FAM184B: variants seen among roughly 807,000 people sequenced by gnomAD.
The protein encoded by FAM184B is protein FAM184B.
FAM184B carries 111 observed loss-of-function variants against 135.9 expected under a neutral mutation model. The observed-to-expected ratio is 0.82, with a 90% CI of 0.70 to 0.96. FAM184B has a LOEUF of 0.96. FAM184B is among the 40% of genes least tolerant of loss of function. The probability of loss-of-function intolerance (pLI) is 0.00; values close to 1 mark genes in which losing one functional copy is unlikely to be tolerated. For missense variants in FAM184B, 1,375 were observed against 1,323.9 expected (o/e 1.04, Z -0.60); for synonymous variants, 552 against 524.8 (o/e 1.05, Z -0.71).
intron 1 of FAM184B, among the ~76,000 whole-genome samples, chr4:17,723,934 A>G (rs1418966333): frequency 1.3e-5 from 2 of 152,148 alleles, no homozygotes; most frequent in African/African-American, 4.8e-5. Context: ...AGCTTCCAGT[A>G]GCACGTCATC....
At chr4:17,772,344 T>A (rs1459628102) in intron 1 of FAM184B, among the ~76,000 whole-genome samples, 3 of 152,030 alleles carry the variant, frequency 2.0e-5, no homozygotes, top group Non-Finnish European at 4.4e-5. Flanking sequence ...GAGACAATAC[T>A]ATTGTCTCTA....
rs1224791330 is a variant in FAM184B at position 17,629,741 on chromosome 4, A to G, written c.*2791T>C. The G allele has an allele frequency of 2.0e-5, 3 of 152,178 alleles. No homozygotes were observed. Among genetic ancestry groups the G allele is most frequent in the Admixed American group, 1.3e-4 (2 of 15,284 alleles). 9.4% of individuals were successfully genotyped at this position (152,178 alleles called of 1,614,324 possible). On this transcript the variant is annotated 3_prime_UTR_variant, in exon 18 of 18. Transcript: ENST00000265018. ...TCATCTCTAGACCGCTCTGCTGTTG[A>G]GAGATTGATGGAATCATTATGCAAA... is the stretch of plus-strand genomic sequence containing the variant.
chr4:17,779,900 C>T lies in FAM184B; in HGVS notation c.141+1259G>A, dbSNP rs80101100. ...AGATGCCTTGCACTGTGCCAAGTGC[C>T]TTTTCAGGTACTTGAATAAATACAT... On this transcript the variant is annotated intron_variant, in intron 1 of 17. Coordinates refer to ENST00000265018, the MANE Select transcript of FAM184B (RefSeq NM_015688.2). 1.4e-3 allele frequency among the ~76,000 whole-genome samples: 214 copies of T among 152,286 alleles called. 1 individual carries two copies. Among genetic ancestry groups the T allele is most frequent in the African/African-American group, 5.0e-3 (207 of 41,552 alleles).
chr4:17,705,534 G>A (rs926536503), intron 4 of FAM184B, among the ~76,000 whole-genome samples: 1 of 152,216 alleles, frequency 6.6e-6, no homozygotes, highest in African/African-American at 2.4e-5. Flanking sequence ...AGAAGCCGAT[G>A]ATATAGCGTT....
At chr4:17,689,719 G>C (rs1025034807) in intron 6 of FAM184B, among the ~76,000 whole-genome samples, 6 of 151,996 alleles carry the variant, frequency 3.9e-5, no homozygotes, top group African/African-American at 1.2e-4. Context: ...CTAGGCTCAA[G>C]AGATCCTCCC....
At chr4:17,760,674 T>C (rs1442470390) in intron 1 of FAM184B, among the ~76,000 whole-genome samples, 1 of 152,102 alleles carries the variant, frequency 6.6e-6, no homozygotes, top group Non-Finnish European at 1.5e-5. Context: ...TTTGTGTGAA[T>C]TGTCCTTTTA....
Position 17,707,405 on chromosome 4 carries a change from G to A in FAM184B, c.1030+244C>T, listed in dbSNP as rs117853661. ...GTGAGCCTGGTGGGGAAATATCTGG[G>A]GGCAAGGGGTCCTTTCACATCACAC... On this transcript the variant is annotated intron_variant, in intron 3 of 17. Coordinates refer to ENST00000265018, the MANE Select transcript of FAM184B (RefSeq NM_015688.2). 2.0e-3 allele frequency among the ~76,000 whole-genome samples: 308 copies of A among 152,322 alleles called. 5 individuals carry two copies. In the East Asian group the frequency reaches 0.038, roughly 19 times the overall value.
In FAM184B at chr4:17,709,059, C is replaced by T. The variant is rs988361612; in HGVS notation, c.727G>A (p.Ala243Thr). ...RQAMQQSVSQ[A>T]LWQWQEKESD... Reference sequence around the variant, plus strand: ...TCCTTCTCCTGCCACTGCCACAGGGCCTGGCTCACCGACTGCTGCATGGCC... The same window carrying T: ...TCCTTCTCCTGCCACTGCCACAGGGTCTGGCTCACCGACTGCTGCATGGCC... The change falls in exon 2 of 18, where the codon GCC (alanine) becomes ACC (threonine). Residue 243 changes from alanine to threonine, a missense_variant. Coordinates refer to ENST00000265018, the MANE Select transcript of FAM184B (RefSeq NM_015688.2). 4.9e-5 allele frequency: 76 copies of T among 1,550,292 alleles called. No homozygotes were observed. Among genetic ancestry groups the T allele is most frequent in the Middle Eastern group, 1.7e-4 (1 of 6,014 alleles).
chr4:17,705,042 G>T lies in FAM184B; in HGVS notation c.1335C>A (p.Ser445=), dbSNP rs76574461. 3,609 of 1,551,690 alleles carry T rather than the reference G, an allele frequency of 2.3e-3. 73 individuals carry two copies. In the East Asian group the frequency reaches 0.038, roughly 16 times the overall value. The stretch of plus-strand genomic sequence containing the variant: ...TTTCAGCCTCCACGGACGAGCGAAC[G>T]GATTTGATTTCCACGGTGTGCTTCT... The part of the protein sequence containing the change: ...LVKKHTVEIK[S]VRSSVEAERK... Residue 445 remains serine (S), a synonymous_variant, in exon 5 of 18, where the codon TCC becomes TCA. Transcript: ENST00000265018.
rs534765518 is a variant in FAM184B, at chr4:17,640,112, G to A, written c.2520-716C>T. Among the ~76,000 whole-genome samples, 299 of 38,898 alleles carry A rather than the reference G, an allele frequency of 7.7e-3. 1 individual carries two copies. Among genetic ancestry groups the A allele is most frequent in the African/African-American group, 0.012 (283 of 23,068 alleles). The allele number at this position is 38,898 out of a possible 152,430, so 25.5% of individuals were successfully genotyped here. A position where few individuals can be genotyped will look rare whatever the true frequency, so the allele number is the denominator to read the frequency against. ...CTCCCAAAGTGCTGGGATTACACGC[G>A]TGAGCCACCACACCTGGCCACTCCC... is the stretch of plus-strand genomic sequence containing the variant. On this transcript the variant is annotated intron_variant, in intron 13 of 17. Transcript: ENST00000265018.
intron 14 of FAM184B, among the ~76,000 whole-genome samples, 176 bp from the exon 15 acceptor site, chr4:17,636,821 C>G (rs1220161016): frequency 1.3e-5 from 2 of 152,138 alleles, no homozygotes; most frequent in Non-Finnish European, 2.9e-5. Context: ...ACCCAGGATT[C>G]CAGCTCTGTC....
chr4:17,777,934 CA>C lies in FAM184B; in HGVS notation c.141+3224del, dbSNP rs372136521. On this transcript the variant is annotated intron_variant, in intron 1 of 17. Coordinates refer to ENST00000265018, the MANE Select transcript of FAM184B (RefSeq NM_015688.2). Reference sequence around the variant, plus strand: ...GCAACATAGTGAGACCCTGTCTCTACAAAAAATTTTTTAAAAATTAGCTGGG... The same window carrying C: ...GCAACATAGTGAGACCCTGTCTCTACAAAAATTTTTTAAAAATTAGCTGGG... 2.0e-4 allele frequency among the ~76,000 whole-genome samples: 30 copies of C among 152,140 alleles called. No individual in the cohort carries two copies. The East Asian group carries it at 5.6e-3, about 28-fold the overall frequency.
intron 1 of FAM184B, among the ~76,000 whole-genome samples, chr4:17,755,284 T>C (rs935235326): frequency 6.6e-6 from 1 of 152,198 alleles, no homozygotes; most frequent in Non-Finnish European, 1.5e-5. Flanking sequence ...AAGACATTCA[T>C]ACAGCCAGCA....
At chr4:17,665,241 A>C (rs576654850) in intron 7 of FAM184B, among the ~76,000 whole-genome samples, 1 of 152,276 alleles carries the variant, frequency 6.6e-6, no homozygotes, top group Non-Finnish European at 1.5e-5. Flanking sequence ...GAAAACATGG[A>C]ACTTGCTGAA....
chr4:17,710,856 T>C (rs1717252139), intron 1 of FAM184B, among the ~76,000 whole-genome samples: 1 of 151,872 alleles, frequency 6.6e-6, no homozygotes. Context: ...GAAGTCTAAT[T>C]TGGACATAGT....
At chr4:17,737,408 G>T (rs990684168) in intron 1 of FAM184B, among the ~76,000 whole-genome samples, 1 of 151,716 alleles carries the variant, frequency 6.6e-6, no homozygotes, top group Non-Finnish European at 1.5e-5. Flanking sequence ...TATTAAATTG[G>T]AAAGGAAAGC....
intron 1 of FAM184B, among the ~76,000 whole-genome samples, chr4:17,713,320 C>G (rs1717328538): frequency 6.6e-6 from 1 of 152,164 alleles, no homozygotes; most frequent in African/African-American, 2.4e-5. Flanking sequence ...CTGTCATGGA[C>G]AGGAGAAGGA....
chr4:17,655,222 C>CAA (rs1363136991), intron 10 of FAM184B, among the ~76,000 whole-genome samples: 2 of 152,202 alleles, frequency 1.3e-5, no homozygotes, highest in Non-Finnish European at 2.9e-5. Flanking sequence ...TCCCTTGCTG[C>CAA]AAGGCTCAGA....
intron 1 of FAM184B, among the ~76,000 whole-genome samples, chr4:17,763,978 T>C (rs1560195852): frequency 6.6e-6 from 1 of 152,124 alleles, no homozygotes; most frequent in Non-Finnish European, 1.5e-5. Flanking sequence ...TGTGAAGATA[T>C]CACTTTTCAT....
Sources: allele counts gnomAD v4.1 joint callset (sites outside exome capture counted in the v4.1 genomes callset), GRCh38; gene constraint gnomAD v4.1.1; transcripts MANE v1.5; gene names NCBI Gene and HGNC (gene_info 2026-07-23, HGNC 2026-07-21).